The following C7orf78 variants were observed in gnomAD, a reference collection of about 807,000 sequenced individuals.
C7orf78 encodes the protein chromosome 7 open reading frame 78.
At chr7:12,498,618 T>C in the C7orf78 span, among the ~76,000 whole-genome samples, 2 of 152,160 alleles carry the variant, frequency 1.3e-5, no homozygotes, top group East Asian at 3.9e-4. Context: ...TTGGTGTACC[T>C]GAAAGTGACC....
At chr7:12,486,471 A>T in the C7orf78 span, among the ~76,000 whole-genome samples, 29 of 152,004 alleles carry the variant, frequency 1.9e-4, no homozygotes, top group Admixed American at 1.9e-3. Flanking sequence ...TAACAATACA[A>T]GGTCAATATT....
At chr7:12,512,775 A>T in the C7orf78 span, among the ~76,000 whole-genome samples, 3 of 152,136 alleles carry the variant, frequency 2.0e-5, no homozygotes, top group East Asian at 5.8e-4. Flanking sequence ...TTACATGTTT[A>T]GTACAGTTTA....
At chr7:12,498,653 A>C in the C7orf78 span, among the ~76,000 whole-genome samples, 1 of 152,118 alleles carries the variant, frequency 6.6e-6, no homozygotes, top group Non-Finnish European at 1.5e-5. Flanking sequence ...GAGTTGGAAA[A>C]CACTCTGCAG....
At chr7:12,513,208 T>C in the C7orf78 span, among the ~76,000 whole-genome samples, 7 of 151,914 alleles carry the variant, frequency 4.6e-5, no homozygotes, top group African/African-American at 1.7e-4. Flanking sequence ...TCTTTTTCTT[T>C]CTTTCTTCTG....
the C7orf78 span, among the ~76,000 whole-genome samples, chr7:12,490,143 A>G: frequency 6.6e-6 from 1 of 152,140 alleles, no homozygotes; most frequent in East Asian, 1.9e-4. Context: ...GTATCACCCA[A>G]CCAGGAACTT....
chr7:12,503,454 A>T, the C7orf78 span, among the ~76,000 whole-genome samples: 3 of 152,050 alleles, frequency 2.0e-5, no homozygotes, highest in African/African-American at 7.2e-5. Flanking sequence ...ATGATGCTTC[A>T]AAACAATATG....
At chr7:12,490,919 G>A in the C7orf78 span, among the ~76,000 whole-genome samples, 1 of 151,836 alleles carries the variant, frequency 6.6e-6, no homozygotes, top group African/African-American at 2.4e-5. Context: ...GATTCAAAAA[G>A]TAGTCTCTGA....
chr7:12,507,106 C>G, the C7orf78 span: 3 of 279,456 alleles, frequency 1.1e-5, no homozygotes, highest in Admixed American at 1.0e-4. Context: ...CGAGATCATC[C>G]TGGCCAACAT....
At chr7:12,487,555 T>A in the C7orf78 span, among the ~76,000 whole-genome samples, 3 of 151,984 alleles carry the variant, frequency 2.0e-5, no homozygotes, top group African/African-American at 7.2e-5. Context: ...CAAAACAGAA[T>A]GTAAGTGAAA....
chr7:12,493,715 T>C, the C7orf78 span, among the ~76,000 whole-genome samples: 1 of 152,226 alleles, frequency 6.6e-6, no homozygotes, highest in African/African-American at 2.4e-5. Context: ...ACTATCTTTC[T>C]ACATTTCTTC....
At chr7:12,529,097 G>A in the C7orf78 span, 8 of 397,946 alleles carry the variant, frequency 2.0e-5, no homozygotes, top group South Asian at 1.3e-4. Context: ...CACTGTTGTC[G>A]ACAATTGCTT....
chr7:12,486,599 T>C, the C7orf78 span, among the ~76,000 whole-genome samples: 1 of 152,154 alleles, frequency 6.6e-6, no homozygotes, highest in East Asian at 1.9e-4. Flanking sequence ...TTTTTTTCCA[T>C]TGATTTTACA....
At chr7:12,503,672 A>G in the C7orf78 span, among the ~76,000 whole-genome samples, 30 of 152,148 alleles carry the variant, frequency 2.0e-4, no homozygotes, top group South Asian at 5.8e-3. Context: ...GGTTTGTTAC[A>G]CATGTATACA....
At chr7:12,513,770 G>A in the C7orf78 span, among the ~76,000 whole-genome samples, 3 of 152,140 alleles carry the variant, frequency 2.0e-5, no homozygotes, top group Admixed American at 1.3e-4. Context: ...GGAGGCCGAG[G>A]CGGGTGGATC....
At chr7:12,491,394 T>G in the C7orf78 span, 2 of 152,216 alleles carry the variant, frequency 1.3e-5, no homozygotes, top group Non-Finnish European at 2.9e-5. Context: ...GCCTATGGTT[T>G]GCCACTTGCC....
the C7orf78 span, among the ~76,000 whole-genome samples, chr7:12,519,624 C>G: frequency 6.6e-6 from 1 of 152,176 alleles, no homozygotes; most frequent in Non-Finnish European, 1.5e-5. Flanking sequence ...TATCAAAGCC[C>G]CAGAAAGAAA....
At chr7:12,517,142 G>A in the C7orf78 span, among the ~76,000 whole-genome samples, 32 of 152,132 alleles carry the variant, frequency 2.1e-4, no homozygotes, top group Non-Finnish European at 3.7e-4. Flanking sequence ...GGAGGGACTC[G>A]GTGGAAGATA....
the C7orf78 span, chr7:12,507,070 AC>A: frequency 1.1e-5 from 4 of 369,564 alleles, no homozygotes; most frequent in Non-Finnish European, 2.1e-5. Context: ...GGAGGCCGAG[AC>A]GGGCGGATCA....
chr7:12,514,861 T>A, the C7orf78 span, among the ~76,000 whole-genome samples: 1 of 152,316 alleles, frequency 6.6e-6, no homozygotes, highest in East Asian at 1.9e-4. Context: ...AAGACTTTAT[T>A]TATCCTGTAT....
Sources: gnomAD v4.1 joint callset for allele counts (sites outside exome capture counted in the v4.1 genomes callset) on GRCh38, gnomAD v4.1.1 for gene constraint, MANE v1.5 for transcripts, NCBI Gene and HGNC (gene_info 2026-07-23, HGNC 2026-07-21) for gene names.